The following ZNRF2 variants were observed in gnomAD, a reference collection of about 807,000 sequenced individuals.
ZNRF2 encodes the protein zinc and ring finger 2.
A neutral mutation model predicts 20.4 loss-of-function variants in ZNRF2; 16 were observed. The ratio of observed to expected loss-of-function variants is 0.79; its 90% CI spans 0.53 to 1.19. The LOEUF (loss-of-function observed/expected upper bound fraction) is 1.19, where lower values mean the gene tolerates loss of function less well. Among genes scored for constraint, ZNRF2 ranks in the 50% most tolerant of loss-of-function variants. The pLI is 0.00. For missense variants in ZNRF2, 363 were observed against 332.4 expected (o/e 1.09, Z -0.72); for synonymous variants, 178 against 144.9 (o/e 1.23, Z -1.64).
chr7:30,304,757 T>C (rs1274630458), intron 1 of ZNRF2, among the ~76,000 whole-genome samples: 1 of 152,112 alleles, frequency 6.6e-6, no homozygotes, highest in East Asian at 1.9e-4. Flanking sequence ...GAGAGCTGAT[T>C]GATGAAAATA....
intron 4 of ZNRF2, among the ~76,000 whole-genome samples, chr7:30,364,733 A>G (rs190934864): frequency 2.0e-5 from 3 of 152,232 alleles, no homozygotes; most frequent in Non-Finnish European, 4.4e-5. Flanking sequence ...TTTACATGCC[A>G]AAGTAATACA....
At chr7:30,323,260 C>T (rs948424788) in intron 1 of ZNRF2, among the ~76,000 whole-genome samples, 2 of 152,064 alleles carry the variant, frequency 1.3e-5, no homozygotes, top group Admixed American at 1.3e-4. Context: ...TGTACTATAC[C>T]AAGTTGGTAA....
chr7:30,335,547 T>C (rs1799703760), intron 2 of ZNRF2, among the ~76,000 whole-genome samples: 1 of 152,110 alleles, frequency 6.6e-6, no homozygotes. Context: ...TTTACAAAAT[T>C]ATTATATACA....
chr7:30,340,769 G>A (rs1799781749), intron 2 of ZNRF2, among the ~76,000 whole-genome samples: 1 of 152,148 alleles, frequency 6.6e-6, no homozygotes. Context: ...TTGAGTTAGG[G>A]AGGAGTCTCT....
intron 1 of ZNRF2, among the ~76,000 whole-genome samples, chr7:30,318,146 C>T (rs1454392275): frequency 6.6e-6 from 1 of 152,110 alleles, no homozygotes; most frequent in African/African-American, 2.4e-5. Flanking sequence ...GGATAGAGAA[C>T]ATTTATAGCC....
intron 2 of ZNRF2, among the ~76,000 whole-genome samples, chr7:30,349,127 A>G (rs1799925784): frequency 6.6e-6 from 1 of 152,200 alleles, no homozygotes; most frequent in Admixed American, 6.5e-5. Context: ...ATCAGCTAAC[A>G]TTTAGTGCCT....
chr7:30,321,045 C>G (rs188728457), intron 1 of ZNRF2, among the ~76,000 whole-genome samples: 3 of 152,064 alleles, frequency 2.0e-5, no homozygotes, highest in South Asian at 2.1e-4. Context: ...TTTTTCAGTT[C>G]GGAGATCTTT....
chr7:30,358,230 G>A (rs1800070624), intron 3 of ZNRF2, among the ~76,000 whole-genome samples: 1 of 152,144 alleles, frequency 6.6e-6, no homozygotes. Context: ...TGCCAGATAT[G>A]AGATCAACCT....
chr7:30,348,943 A>G (rs193167636), intron 2 of ZNRF2, among the ~76,000 whole-genome samples: 1 of 151,812 alleles, frequency 6.6e-6, no homozygotes, highest in African/African-American at 2.4e-5. Context: ...AGATATGCAC[A>G]TTGTAATACT....
chr7:30,346,509 C>G (rs1799882022), intron 2 of ZNRF2, among the ~76,000 whole-genome samples: 1 of 151,944 alleles, frequency 6.6e-6, no homozygotes, highest in African/African-American at 2.4e-5. Context: ...TACTTTTTAA[C>G]TTGCAGTATT....
In ZNRF2 at chr7:30,346,170, A is replaced by ATTTTTT. The variant is rs70980598; in HGVS notation, c.566-9529_566-9524dup. 5.5e-3 allele frequency among the ~76,000 whole-genome samples: 131 copies of ATTTTTT among 23,698 alleles called. 14 individuals are homozygous for ATTTTTT. The highest frequency in any genetic ancestry group is 8.9e-3 in the Admixed American group (9 of 1,008). 15.5% of individuals were successfully genotyped at this position (23,698 alleles called of 152,430 possible). A position where few individuals can be genotyped will look rare whatever the true frequency, so the allele number is the denominator to read the frequency against. On this transcript the variant is annotated intron_variant, in intron 2 of 4. Transcript: ENST00000323037. The stretch of plus-strand genomic sequence containing the variant: ...TGTTTTTTTTTTTCTGTTAAGTCTG[A>ATTTTTT]TTTTTTTTTTTTTTTTTTTTTTTTT...
At chr7:30,340,323 G>C (rs917357551) in intron 2 of ZNRF2, among the ~76,000 whole-genome samples, 2 of 152,138 alleles carry the variant, frequency 1.3e-5, no homozygotes, top group African/African-American at 4.8e-5. Context: ...CTTGTCTTGT[G>C]CCGGTTTTCA....
intron 1 of ZNRF2, chr7:30,289,943 T>TC: frequency 1.9e-6 from 1 of 527,608 alleles, no homozygotes; most frequent in Middle Eastern, 3.2e-4. Flanking sequence ...TAAGTTCTTC[T>TC]GATTACCAAA....
Position 30,355,795 on chromosome 7 carries a change from T to C in ZNRF2, c.633T>C (p.Thr211=). 1 of 1,613,594 alleles carries C rather than the reference T, an allele frequency of 6.2e-7. No homozygotes were observed. Among genetic ancestry groups the C allele is most frequent in the East Asian group, 2.2e-5 (1 of 44,850 alleles). The change falls in exon 3 of 5, where the codon ACT becomes ACC. Residue 211 remains threonine, a synonymous_variant. Transcript: ENST00000323037. ...ICLEELQQGD[T]IARLPCLCIY... ...TTGAAGAATTGCAGCAGGGAGATAC[T>C]ATAGCACGACTGCCTTGTCTATGCA... is the stretch of plus-strand genomic sequence containing the variant.
intron 1 of ZNRF2, among the ~76,000 whole-genome samples, chr7:30,316,544 C>T (rs1483033836): frequency 3.3e-5 from 5 of 152,102 alleles, no homozygotes; most frequent in African/African-American, 7.2e-5. Flanking sequence ...AAGGTTAAAA[C>T]GTTTCCTGCT....
chr7:30,365,761 A>G (rs1158080281), intron 4 of ZNRF2, among the ~76,000 whole-genome samples: 1 of 152,218 alleles, frequency 6.6e-6, no homozygotes, highest in African/African-American at 2.4e-5. Flanking sequence ...GATTAGTTAG[A>G]AAATTGCTGT....
At chr7:30,340,698 T>TC (rs1799780625) in intron 2 of ZNRF2, among the ~76,000 whole-genome samples, 1 of 152,150 alleles carries the variant, frequency 6.6e-6, no homozygotes, top group African/African-American at 2.4e-5. Context: ...CCTGAAATTT[T>TC]CTTTTTTTTT....
chr7:30,291,072 G>A (rs1226434416), intron 1 of ZNRF2, among the ~76,000 whole-genome samples: 7 of 152,180 alleles, frequency 4.6e-5, no homozygotes, highest in Non-Finnish European at 1.0e-4. Flanking sequence ...AGGAGGGTAC[G>A]TTTGAACTGT....
intron 1 of ZNRF2, among the ~76,000 whole-genome samples, chr7:30,286,384 T>G (rs1798790004): frequency 6.6e-6 from 1 of 152,252 alleles, no homozygotes; most frequent in Non-Finnish European, 1.5e-5. Flanking sequence ...ATGAAAAGTT[T>G]GTTTTTAAAC....
Sources: allele counts gnomAD v4.1 joint callset (sites outside exome capture counted in the v4.1 genomes callset), GRCh38; gene constraint gnomAD v4.1.1; transcripts MANE v1.5; gene names NCBI Gene and HGNC (gene_info 2026-07-23, HGNC 2026-07-21).